The following FAM193B variants were observed in gnomAD, a reference collection of about 807,000 sequenced individuals.
The protein encoded by FAM193B is family with sequence similarity 193 member B.
Under a neutral mutation model 70.7 loss-of-function variants are expected in FAM193B, and 27 were observed. The observed-to-expected ratio is 0.38, with a 90% CI of 0.28 to 0.53. The LOEUF is 0.53. FAM193B is among the 20% of genes least tolerant of loss of function. The pLI, the probability that FAM193B is intolerant of heterozygous loss-of-function variation, is 0.81. For missense variants in FAM193B, 1,022 were observed against 1,072.5 expected (o/e 0.95, Z 0.66); for synonymous variants, 448 against 436.0 (o/e 1.03, Z -0.34).
At chr5:177,520,219 T>C (rs1480847834) in intron 8 of FAM193B, 38 bp from the exon 9 acceptor site, 1 of 152,250 alleles carries the variant, frequency 6.6e-6, no homozygotes, top group Non-Finnish European at 1.5e-5. Flanking sequence ...CAGTAAGCAA[T>C]GAGCCATGCT....
chr5:177,554,289 G>A lies in FAM193B; in HGVS notation c.170C>T (p.Pro57Leu), dbSNP rs1264416907. 4 of 1,405,334 alleles carry A rather than the reference G, an allele frequency of 2.8e-6. No individual in the cohort carries two copies. Among genetic ancestry groups the A allele is most frequent in the Non-Finnish European group, 3.7e-6 (4 of 1,074,458 alleles). 87.1% of individuals were successfully genotyped at this position (1,405,334 alleles called of 1,614,324 possible). A position where few individuals can be genotyped will look rare whatever the true frequency, so the allele number is the denominator to read the frequency against. The change falls in exon 1 of 9, where the codon CCC (proline) becomes CTC (leucine). Residue 57 changes from proline (P) to leucine (L), a missense_variant. Coordinates refer to ENST00000514747, the MANE Select transcript of FAM193B (RefSeq NM_001190946.3). ...EAPAEPDHDG[P>L]REDDEPNLVP... ...CAGGTTGGGTTCGTCATCCTCCCTG[G>A]GGCCGTCGTGGTCGGGCTCCGCCGG...
At chr5:177,526,149 G>A (rs532155433) in intron 5 of FAM193B, among the ~76,000 whole-genome samples, 1 of 152,322 alleles carries the variant, frequency 6.6e-6, no homozygotes, top group East Asian at 1.9e-4. Context: ...TGTACAGAGG[G>A]TGACCCTGCG....
Position 177,520,186 on chromosome 5 carries a change from GAA to G in FAM193B, c.*2-7_*2-6del, listed in dbSNP as rs1761494735. 2 of 152,026 alleles carry G rather than the reference GAA, an allele frequency of 1.3e-5. No homozygotes were observed. Among genetic ancestry groups the G allele is most frequent in the South Asian group, 4.1e-4 (2 of 4,836 alleles). 9.4% of individuals were successfully genotyped at this position (152,026 alleles called of 1,614,324 possible). The stretch of plus-strand genomic sequence containing the variant: ...GCAGCTCAGCCTGGGCAGGGCCTGA[GAA>G]AGAAAAAAAGAGCAGAATCACAGTA... On this transcript the variant is annotated splice_polypyrimidine_tract_variant and splice_region_variant and intron_variant, in intron 8 of 8. Transcript: ENST00000514747.
At chr5:177,537,479 C>G (rs1764306443) in intron 3 of FAM193B, among the ~76,000 whole-genome samples, 1 of 152,126 alleles carries the variant, frequency 6.6e-6, no homozygotes, top group Non-Finnish European at 1.5e-5. Context: ...GCTTTTATAC[C>G]CATCCCTTAG....
chr5:177,534,827 T>G (rs914683546), intron 4 of FAM193B, among the ~76,000 whole-genome samples: 2 of 152,102 alleles, frequency 1.3e-5, no homozygotes, highest in African/African-American at 4.8e-5. Flanking sequence ...TATGTTGCCC[T>G]TGCTAGTCTC....
At chr5:177,543,514 C>T (rs1765092295) in intron 1 of FAM193B, among the ~76,000 whole-genome samples, 1 of 152,204 alleles carries the variant, frequency 6.6e-6, no homozygotes, top group African/African-American at 2.4e-5. Flanking sequence ...TTTGAGGGGC[C>T]ACCCCTAAAG....
chr5:177,538,017 A>T lies in FAM193B; in HGVS notation c.544T>A (p.Ser182Thr). 6.4e-7 allele frequency: 1 copy of T among 1,556,168 alleles called. No homozygotes were observed. The highest frequency in any genetic ancestry group is 1.2e-5 in the South Asian group (1 of 84,246). The change falls in exon 3 of 9, where the codon TCC (serine) becomes ACC (threonine). Residue 182 changes from serine to threonine, a missense_variant. By Grantham distance (58) the Ser-to-Thr change is moderately conservative. Transcript: ENST00000514747. The surrounding 1 kb of genome is among the most constrained non-coding windows in gnomAD (Gnocchi z 4.1). Reference sequence around the variant, plus strand: ...GAGTTCCCAGGGCAGGAAGAGGAGGACGAGGATGAGGATGATGAGGAGGAA... The same window carrying T: ...GAGTTCCCAGGGCAGGAAGAGGAGGTCGAGGATGAGGATGATGAGGAGGAA... ...SSSSSSSSSS[S>T]SSSCPGNSGD...
intron 1 of FAM193B, 23 bp downstream of exon 1, chr5:177,554,226 G>T: frequency 6.7e-7 from 1 of 1,491,372 alleles, no homozygotes; most frequent in South Asian, 1.2e-5. Context: ...CCGAGCCGCC[G>T]AAGTCTCCCC....
At position 177,537,763 on chromosome 5, in the gene FAM193B, T is replaced by A. The variant is rs1021392959; in HGVS notation, c.688+110A>T. 1.1e-5 allele frequency: 16 copies of A among 1,420,248 alleles called. No homozygotes were observed. The African/African-American group carries it at 2.2e-4, about 19-fold the overall frequency. The allele number at this position is 1,420,248 out of a possible 1,614,324, so 88.0% of individuals were successfully genotyped here. A position where few individuals can be genotyped will look rare whatever the true frequency, so the allele number is the denominator to read the frequency against. ...CCTGCTTCCACCAGAACAGTTCCAC[T>A]TTTACTTATTTTAGTAACCAGTCTT... On this transcript the variant is annotated intron_variant, in intron 3 of 8. Coordinates refer to ENST00000514747, the MANE Select transcript of FAM193B (RefSeq NM_001190946.3).
At chr5:177,529,232 ACAG>A (rs2127458702) in intron 5 of FAM193B, among the ~76,000 whole-genome samples, 1 of 148,072 alleles carries the variant, frequency 6.8e-6, no homozygotes, top group South Asian at 2.1e-4. Flanking sequence ...CTTCGTGTAG[ACAG>A]AAGACACAAA....
At chr5:177,547,204 C>T (rs1421843284) in intron 1 of FAM193B, 1 of 152,058 alleles carries the variant, frequency 6.6e-6, no homozygotes, top group African/African-American at 2.4e-5. Flanking sequence ...TGCTCAATAC[C>T]CGTTAGTTTC....
intron 1 of FAM193B, among the ~76,000 whole-genome samples, chr5:177,542,473 A>G (rs1764965350): frequency 6.6e-6 from 1 of 152,394 alleles, no homozygotes; most frequent in Non-Finnish European, 1.5e-5. Context: ...AGGAAACAAT[A>G]AATGGTCACT....
In FAM193B at chr5:177,532,947, G is replaced by A. The variant is rs1326092805; in HGVS notation, c.1077-306C>T. ...TCACTCCATCTTCTGCTTATTGTGC[G>A]TCACTGTCATGGTCTGTTTGCGCAT... On this transcript the variant is annotated intron_variant, in intron 4 of 8. Transcript: ENST00000514747. This position sits in a 1 kb window ranked among gnomAD's most constrained non-coding sequence, Gnocchi z 4.9. 3.9e-5 allele frequency among the ~76,000 whole-genome samples: 6 copies of A among 152,302 alleles called. No homozygotes were observed. The highest frequency in any genetic ancestry group is 3.9e-4 in the East Asian group (2 of 5,180).
At chr5:177,552,015 T>A (rs1404608746) in intron 1 of FAM193B, 13 of 984,906 alleles carry the variant, frequency 1.3e-5, no homozygotes, top group African/African-American at 1.7e-5. Context: ...TAAAAAAAAA[T>A]GCCTTGTTGA....
chr5:177,521,174 C>A (rs1581822375), intron 8 of FAM193B, among the ~76,000 whole-genome samples: 1 of 152,218 alleles, frequency 6.6e-6, no homozygotes, highest in African/African-American at 2.4e-5. Flanking sequence ...CCCAGGGACA[C>A]AGCTGAGGGT....
At chr5:177,540,306 CA>C (rs71585639) in intron 1 of FAM193B, among the ~76,000 whole-genome samples, 54,608 of 102,424 alleles carry the variant, frequency 0.53, 11,323 homozygotes, top group African/African-American at 0.59. Context: ...GACTCCGTCT[CA>C]AAAAAAAAAA....
chr5:177,535,733 G>A (rs1215646719), intron 4 of FAM193B, among the ~76,000 whole-genome samples: 1 of 152,108 alleles, frequency 6.6e-6, no homozygotes, highest in African/African-American at 2.4e-5. Flanking sequence ...ATGACATAAT[G>A]TTAAAAAATT....
In FAM193B at chr5:177,524,707, T is replaced by A; in HGVS notation, c.1774A>T (p.Asn592Tyr). The change falls in exon 6 of 9, where the codon AAC becomes TAC. Residue 592 changes from asparagine (N) to tyrosine (Y), a missense_variant. Transcript: ENST00000514747. ...TTGACCCAGATCACCCGGGATAGGT[T>A]GGGCACGGTGTTGAGTCTCCTCACG... is the stretch of plus-strand genomic sequence containing the variant. ...GLVRRLNTVPNLSRVIWVKTP... is the reference protein window; with the variant it reads ...GLVRRLNTVPYLSRVIWVKTP... 1 of 1,592,252 alleles carries A rather than the reference T, an allele frequency of 6.3e-7. No individual in the cohort carries two copies. The highest frequency in any genetic ancestry group is 2.2e-5 in the East Asian group (1 of 44,778).
At chr5:177,543,790 C>A (rs1765118178) in intron 1 of FAM193B, among the ~76,000 whole-genome samples, 1 of 152,220 alleles carries the variant, frequency 6.6e-6, no homozygotes, top group African/African-American at 2.4e-5. Flanking sequence ...ACCCCTTATG[C>A]CCTGAAAAGT....
Sources: gnomAD v4.1 joint callset for allele counts (sites outside exome capture counted in the v4.1 genomes callset) on GRCh38, gnomAD v4.1.1 for gene constraint, Gnocchi (gnomAD v3.1) non-coding constraint, MANE v1.5 for transcripts, NCBI Gene and HGNC (gene_info 2026-07-23, HGNC 2026-07-21) for gene names.